Variants in PLXNA4 observed in about 807,000 individuals in gnomAD.
PLXNA4 encodes the protein plexin A4.
PLXNA4 carries 44 observed loss-of-function variants against 191.8 expected under a neutral mutation model. The ratio of observed to expected loss-of-function variants is 0.23; its 90% CI spans 0.18 to 0.29. PLXNA4 has a LOEUF of 0.29. Among genes scored for constraint, PLXNA4 ranks in the 10% least tolerant of loss-of-function variants. The pLI, the probability that PLXNA4 is intolerant of heterozygous loss-of-function variation, is 1.00. For missense variants in PLXNA4, 1,800 were observed against 2,488.8 expected (o/e 0.72, Z 5.89); for synonymous variants, 1,082 against 1,009.5 (o/e 1.07, Z -1.36).
chr7:132,317,436 G>A (rs1476338752), intron 3 of PLXNA4, among the ~76,000 whole-genome samples: 1 of 151,856 alleles, frequency 6.6e-6, no homozygotes, highest in Non-Finnish European at 1.5e-5. Flanking sequence ...GGTTGTGTTG[G>A]ATTGTATTGA....
At chr7:132,136,626 G>A (rs1296285924) in intron 30 of PLXNA4, among the ~76,000 whole-genome samples, 1 of 152,168 alleles carries the variant, frequency 6.6e-6, no homozygotes, top group African/African-American at 2.4e-5. Context: ...GTCCTAGTCT[G>A]TGGATTTCTA....
chr7:132,585,282 A>T (rs1226310049), intron 2 of PLXNA4, among the ~76,000 whole-genome samples: 2 of 152,224 alleles, frequency 1.3e-5, no homozygotes, highest in African/African-American at 4.8e-5. Context: ...ACTAACACTC[A>T]GACATGGTAC....
chr7:132,290,895 G>C (rs1181533391), intron 4 of PLXNA4, among the ~76,000 whole-genome samples: 1 of 152,194 alleles, frequency 6.6e-6, no homozygotes, highest in African/African-American at 2.4e-5. Flanking sequence ...ACCATATCCA[G>C]GCTACAGAAC....
chr7:132,132,555 C>CTAT, intron 31 of PLXNA4, among the ~76,000 whole-genome samples: 2 of 151,902 alleles, frequency 1.3e-5, no homozygotes, highest in Middle Eastern at 6.8e-3. Flanking sequence ...CTATTCTATT[C>CTAT]TATTCTACTC....
intron 3 of PLXNA4, among the ~76,000 whole-genome samples, chr7:132,338,951 C>G (rs978154860): frequency 1.8e-4 from 27 of 152,130 alleles, no homozygotes; most frequent in African/African-American, 4.8e-4. Flanking sequence ...ATGACACAGA[C>G]CACCTAGCAC....
At chr7:132,495,724 C>T (rs561937873) in intron 2 of PLXNA4, among the ~76,000 whole-genome samples, 2 of 152,280 alleles carry the variant, frequency 1.3e-5, no homozygotes, top group African/African-American at 4.8e-5. Flanking sequence ...CACTCCTGTC[C>T]GTTGCATAGG....
intron 5 of PLXNA4, among the ~76,000 whole-genome samples, chr7:132,235,122 G>A (rs933754885): frequency 2.6e-5 from 4 of 152,316 alleles, no homozygotes; most frequent in African/African-American, 9.6e-5. Context: ...ACCAGCCACA[G>A]CCCTCCAGTC....
At chr7:132,149,818 C>A (rs1236238113) in intron 25 of PLXNA4, among the ~76,000 whole-genome samples, 1 of 152,226 alleles carries the variant, frequency 6.6e-6, no homozygotes, top group Non-Finnish European at 1.5e-5. Context: ...TTCAGATTCT[C>A]TTCCTCGTTT....
chr7:132,474,546 G>C (rs1797053836), intron 3 of PLXNA4, among the ~76,000 whole-genome samples: 1 of 151,918 alleles, frequency 6.6e-6, no homozygotes, highest in South Asian at 2.1e-4. Flanking sequence ...GTAGCCAAGG[G>C]TGGCTCTGAT....
intron 3 of PLXNA4, among the ~76,000 whole-genome samples, chr7:132,485,826 G>A (rs933556493): frequency 2.0e-5 from 3 of 152,098 alleles, no homozygotes; most frequent in African/African-American, 7.2e-5. Context: ...CATCTAAATT[G>A]GCACTTTCCT....
At chr7:132,390,109 C>A (rs1235087201) in intron 3 of PLXNA4, among the ~76,000 whole-genome samples, 2 of 152,156 alleles carry the variant, frequency 1.3e-5, no homozygotes, top group Admixed American at 1.3e-4. Context: ...TATAAAGACA[C>A]ATGCATATGT....
At position 132,484,820 on chromosome 7, in the gene PLXNA4, G is replaced by C; in HGVS notation, c.1371+4472C>G. 1 of 1,613,850 alleles carries C rather than the reference G, an allele frequency of 6.2e-7. No individual in the cohort carries two copies. The highest frequency in any genetic ancestry group is 8.5e-7 in the Non-Finnish European group (1 of 1,179,896). ...ATTCAAATTTCCAGAGTAATTTTAG[G>C]AAGAATTCCCAGGTACATTTAGGAA... On this transcript the variant is annotated intron_variant, in intron 3 of 31. Coordinates refer to ENST00000321063, the MANE Select transcript of PLXNA4 (RefSeq NM_020911.2).
At chr7:132,367,357 C>T (rs1477413946) in intron 3 of PLXNA4, among the ~76,000 whole-genome samples, 3 of 152,146 alleles carry the variant, frequency 2.0e-5, no homozygotes, top group Non-Finnish European at 2.9e-5. Context: ...AAAGGATCAC[C>T]ATACACTGAA....
At chr7:132,394,299 G>A (rs1353072782) in intron 3 of PLXNA4, among the ~76,000 whole-genome samples, 1 of 152,142 alleles carries the variant, frequency 6.6e-6, no homozygotes, top group African/African-American at 2.4e-5. Flanking sequence ...GCAGATGCCA[G>A]TCCCTAGGAG....
rs546145451 is a variant in PLXNA4 at position 132,222,298 on chromosome 7, T to C, written c.2097+1229A>G. Among the ~76,000 whole-genome samples the C allele has an allele frequency of 2.6e-5, 4 of 152,330 alleles. No individual in the cohort carries two copies. The South Asian group carries it at 8.3e-4, about 32-fold the overall frequency. ...ACCCACCGTGCTATGGGAGCCCCCA[T>C]GCAGCAGGTGTTAGTGTGGGGTGTA... On this transcript the variant is annotated intron_variant, in intron 9 of 31. Coordinates refer to ENST00000321063, the MANE Select transcript of PLXNA4 (RefSeq NM_020911.2).
chr7:132,149,163 T>C (rs542658806), intron 25 of PLXNA4, among the ~76,000 whole-genome samples: 38 of 152,186 alleles, frequency 2.5e-4, no homozygotes, highest in African/African-American at 8.2e-4. Flanking sequence ...GTCAGGGAGA[T>C]TGGGTCAAAG....
At chr7:132,356,217 G>T (rs563941490) in intron 3 of PLXNA4, among the ~76,000 whole-genome samples, 124 of 152,268 alleles carry the variant, frequency 8.1e-4, no homozygotes, top group African/African-American at 2.9e-3. Context: ...CCTCCAGTGG[G>T]TCTGTTTTTC....
At chr7:132,273,315 T>C (rs904880614) in intron 4 of PLXNA4, among the ~76,000 whole-genome samples, 1 of 151,570 alleles carries the variant, frequency 6.6e-6, no homozygotes, top group Non-Finnish European at 1.5e-5. Context: ...CATGCCTCAT[T>C]GGTTTTCAAC....
At chr7:132,448,645 T>C (rs1795997814) in intron 3 of PLXNA4, among the ~76,000 whole-genome samples, 1 of 152,220 alleles carries the variant, frequency 6.6e-6, no homozygotes, top group African/African-American at 2.4e-5. Context: ...TTATTCCCTC[T>C]GCAGCTATAT....
Sources: gnomAD v4.1 joint callset for allele counts (sites outside exome capture counted in the v4.1 genomes callset) on GRCh38, gnomAD v4.1.1 for gene constraint, MANE v1.5 for transcripts, NCBI Gene and HGNC (gene_info 2026-07-23, HGNC 2026-07-21) for gene names.